The following DRAXIN variants were observed in gnomAD, a reference collection of about 807,000 sequenced individuals.
DRAXIN encodes the protein dorsal inhibitory axon guidance protein, also known as dorsal repulsive axon guidance protein.
Under a neutral mutation model 33.9 loss-of-function variants are expected in DRAXIN, and 27 were observed. The ratio of observed to expected loss-of-function variants is 0.80; its 90% CI spans 0.59 to 1.10. DRAXIN has a LOEUF of 1.10. DRAXIN is among the 50% of genes least tolerant of loss of function. DRAXIN has a pLI of 0.00. For synonymous variants in DRAXIN, 178 were observed against 194.0 expected (o/e 0.92, Z 0.69); for missense variants, 371 against 460.8 (o/e 0.81, Z 1.78).
At chr1:11,717,870 C>G (rs977895361) in intron 6 of DRAXIN, among the ~76,000 whole-genome samples, 1 of 150,708 alleles carries the variant, frequency 6.6e-6, no homozygotes, top group African/African-American at 2.4e-5. Flanking sequence ...TGGCGCACAC[C>G]CATAGTACCA....
chr1:11,687,849 T>G (rs1346665589), upstream of DRAXIN, among the ~76,000 whole-genome samples: 2 of 152,178 alleles, frequency 1.3e-5, no homozygotes, highest in African/African-American at 2.4e-5. This position sits in a 1 kb window ranked among gnomAD's most constrained non-coding sequence, Gnocchi z 4.1. Flanking sequence ...ATAGACCACA[T>G]CTGCTTATCC....
rs1570323242 is a variant in DRAXIN at position 11,719,967 on chromosome 1, C to G, written c.*271C>G. On this transcript the variant is annotated 3_prime_UTR_variant, in exon 7 of 7. Coordinates refer to ENST00000294485, the MANE Select transcript of DRAXIN (RefSeq NM_198545.4). ...TCCGCGATGGCAATGCCGAGAGTGCCCTCTACTGTCCGACTCCAGCACTGC... is the reference window on the plus strand; with the variant it reads ...TCCGCGATGGCAATGCCGAGAGTGCGCTCTACTGTCCGACTCCAGCACTGC... 2 of 441,038 alleles carry G rather than the reference C, an allele frequency of 4.5e-6. No individual in the cohort carries two copies. Among genetic ancestry groups the G allele is most frequent in the Admixed American group, 3.4e-5 (1 of 29,222 alleles). The allele number at this position is 441,038 out of a possible 1,614,324, so 27.3% of individuals were successfully genotyped here. A position where few individuals can be genotyped will look rare whatever the true frequency, so the allele number is the denominator to read the frequency against.
At chr1:11,698,399 C>T (rs1641224932) in intron 1 of DRAXIN, among the ~76,000 whole-genome samples, 1 of 152,188 alleles carries the variant, frequency 6.6e-6, no homozygotes, top group African/African-American at 2.4e-5. Context: ...CTCCAGGAAG[C>T]CCTAACTAGA....
chr1:11,689,034 C>T (rs1276829811), upstream of DRAXIN, among the ~76,000 whole-genome samples: 1 of 152,102 alleles, frequency 6.6e-6, no homozygotes, highest in Admixed American at 6.5e-5. Context: ...ACTGGCTTAC[C>T]CCTGTAACCC....
At chr1:11,699,494 T>TA (rs1269517457) in intron 1 of DRAXIN, among the ~76,000 whole-genome samples, 1 of 152,154 alleles carries the variant, frequency 6.6e-6, no homozygotes, top group Admixed American at 6.5e-5. Context: ...TAATTTTTGT[T>TA]AAAAAAATTT....
chr1:11,686,929 ACT>A (rs1239142103), upstream of DRAXIN, among the ~76,000 whole-genome samples: 2 of 151,662 alleles, frequency 1.3e-5, no homozygotes, highest in African/African-American at 4.8e-5. Context: ...GTACATCGCT[ACT>A]CTCTAATTCG....
In DRAXIN at chr1:11,719,663, C is replaced by T. The variant is rs1372383497; in HGVS notation, c.1017C>T (p.Ala339=). ...RKGRCVEPET[A]NGDQGSFINV is the part of the protein sequence containing the mutation. Reference sequence around the variant, plus strand: ...GGCGCTGTGTGGAGCCCGAGACGGCCAACGGCGACCAGGGATCCTTCATCA... The same window carrying T: ...GGCGCTGTGTGGAGCCCGAGACGGCTAACGGCGACCAGGGATCCTTCATCA... Residue 339 remains alanine, a synonymous_variant, in exon 7 of 7, where the codon GCC becomes GCT. Coordinates refer to ENST00000294485, the MANE Select transcript of DRAXIN (RefSeq NM_198545.4). The T allele has an allele frequency of 2.5e-6, 4 of 1,614,094 alleles. No homozygotes were observed. Among genetic ancestry groups the T allele is most frequent in the Non-Finnish European group, 2.5e-6 (3 of 1,179,978 alleles).
rs571441625 is a variant in DRAXIN at position 11,706,549 on chromosome 1, G to C, written c.291G>C (p.Leu97=). 5 of 1,611,052 alleles carry C rather than the reference G, an allele frequency of 3.1e-6. No individual in the cohort carries two copies. The South Asian group carries it at 4.4e-5, about 14-fold the overall frequency. Residue 97 remains leucine (L), a synonymous_variant, in exon 2 of 7, where the codon CTG becomes CTC. Transcript: ENST00000294485. The surrounding 1 kb of genome is among the most constrained non-coding windows in gnomAD (Gnocchi z 5.5). ...ASRLPEAEGL[L]PEQSPAGLLQ... ...GGCTGCCAGAGGCTGAGGGGCTGCT[G>C]CCTGAGCAGAGTCCTGCAGGCCTGC...
rs2100747702 is a variant in DRAXIN at position 11,722,772 on chromosome 1, A to C, written c.*3076A>C. 6.5e-6 allele frequency: 1 copy of C among 154,138 alleles called. No individual in the cohort carries two copies. The highest frequency in any genetic ancestry group is 2.0e-4 in the South Asian group (1 of 4,898). 9.5% of individuals were successfully genotyped at this position (154,138 alleles called of 1,614,324 possible). ...TATGCTCCAGGAAAACTATTTCTGG[A>C]CACACATGTGAATTCTGTATACTTT... On this transcript the variant is annotated 3_prime_UTR_variant, in exon 7 of 7. Transcript: ENST00000294485.
intron 6 of DRAXIN, among the ~76,000 whole-genome samples, 155 bp from the exon 7 acceptor site, chr1:11,719,429 T>C (rs182059499): frequency 2.6e-5 from 4 of 152,188 alleles, no homozygotes; most frequent in Admixed American, 2.6e-4. Context: ...CGGGTTCGTG[T>C]CTTTTAAGCT....
At chr1:11,714,773 G>A (rs1257938925) in intron 5 of DRAXIN, among the ~76,000 whole-genome samples, 1 of 152,236 alleles carries the variant, frequency 6.6e-6, no homozygotes, top group Non-Finnish European at 1.5e-5. Flanking sequence ...CATTGGTTTT[G>A]GGGATCCTGA....
At position 11,709,331 on chromosome 1, in the gene DRAXIN, G is replaced by A. The variant is rs1310907908; in HGVS notation, c.508G>A (p.Ala170Thr). 2 of 1,613,818 alleles carry A rather than the reference G, an allele frequency of 1.2e-6. No homozygotes were observed. The highest frequency in any genetic ancestry group is 1.7e-6 in the Non-Finnish European group (2 of 1,179,938). Residue 170 changes from alanine (A) to threonine (T), a missense_variant, in exon 3 of 7, where the codon GCC becomes ACC. By Grantham distance (58) the Ala-to-Thr change is moderately conservative. Transcript: ENST00000294485. ...SLMKKAELSE[A>T]QVLDAAMEES... ...GATGAAGAAGGCAGAGCTCTCCGAA[G>A]CCCAGGTGCTGGATGCAGCCATGGA...
At chr1:11,711,188 T>A (rs1641489721) in intron 3 of DRAXIN, among the ~76,000 whole-genome samples, 1 of 152,200 alleles carries the variant, frequency 6.6e-6, no homozygotes, top group Non-Finnish European at 1.5e-5. Context: ...TTTTTTGGGG[T>A]CTTGCACCCC....
rs1641079639 is a variant in DRAXIN at position 11,692,042 on chromosome 1, C to T, written c.-11+189C>T. Reference sequence around the variant, plus strand: ...TCCGCCAGTCCTTCCGCCGCCTCCTCTCCTCGCCGCGTCTGCCCACGGACC... The same window carrying T: ...TCCGCCAGTCCTTCCGCCGCCTCCTTTCCTCGCCGCGTCTGCCCACGGACC... On this transcript the variant is annotated intron_variant, in intron 1 of 6. Transcript: ENST00000294485. This position sits in a 1 kb window ranked among gnomAD's most constrained non-coding sequence, Gnocchi z 5.8. Among the ~76,000 whole-genome samples the T allele has an allele frequency of 6.6e-6, 1 of 152,086 alleles. No homozygotes were observed. The highest frequency in any genetic ancestry group is 2.4e-5 in the African/African-American group (1 of 41,422).
intron 1 of DRAXIN, among the ~76,000 whole-genome samples, chr1:11,695,628 A>G (rs1314846025): frequency 1.3e-5 from 2 of 151,480 alleles, no homozygotes; most frequent in Non-Finnish European, 2.9e-5. Flanking sequence ...ATATATATAT[A>G]TACTTCAAAG....
chr1:11,701,890 G>C (rs996888710), intron 1 of DRAXIN, among the ~76,000 whole-genome samples: 9 of 152,274 alleles, frequency 5.9e-5, no homozygotes, highest in African/African-American at 2.2e-4. Context: ...ACGTTTCCTC[G>C]GGGGCTCCCT....
chr1:11,694,501 T>C lies in DRAXIN; in HGVS notation c.-11+2648T>C, dbSNP rs1164060985. Among the ~76,000 whole-genome samples, 1 of 152,112 alleles carries C rather than the reference T, an allele frequency of 6.6e-6. No homozygotes were observed. Among genetic ancestry groups the C allele is most frequent in the East Asian group, 1.9e-4 (1 of 5,196 alleles). On this transcript the variant is annotated intron_variant, in intron 1 of 6. Transcript: ENST00000294485. The surrounding 1 kb of genome is among the most constrained non-coding windows in gnomAD (Gnocchi z 4.9). ...AGAACGAAGTGGCTCACCCCAGCCG[T>C]GCAGATTGGGTTTGAAGCCCAGCTG...
upstream of DRAXIN, among the ~76,000 whole-genome samples, chr1:11,688,853 T>C (rs977279259): frequency 1.3e-5 from 2 of 152,120 alleles, no homozygotes; most frequent in African/African-American, 4.8e-5. The surrounding 1 kb of genome is among the most constrained non-coding windows in gnomAD (Gnocchi z 4.6). Flanking sequence ...ATAAAACAGT[T>C]TGCAGTAAGG....
intron 3 of DRAXIN, 144 bp downstream of exon 3, chr1:11,709,609 C>A: frequency 1.9e-6 from 2 of 1,059,650 alleles, no homozygotes; most frequent in African/African-American, 1.6e-5. Flanking sequence ...TCTCCTGCTG[C>A]CCATCCAGTC....
Sources: allele counts gnomAD v4.1 joint callset (sites outside exome capture counted in the v4.1 genomes callset), GRCh38; gene constraint gnomAD v4.1.1; non-coding constraint Gnocchi (gnomAD v3.1); transcripts MANE v1.5; gene names NCBI Gene and HGNC (gene_info 2026-07-23, HGNC 2026-07-21).